TULP4: variants seen among roughly 807,000 people sequenced by gnomAD.
The protein encoded by TULP4 is TUB like protein 4, also known as tubby-related protein 4.
Under a neutral mutation model 129.0 loss-of-function variants are expected in TULP4, and 16 were observed. The ratio of observed to expected loss-of-function variants is 0.12; its 90% CI spans 0.08 to 0.19. TULP4 has a LOEUF of 0.19. Among genes scored for constraint, TULP4 ranks in the 10% least tolerant of loss-of-function variants. The pLI is 1.00. For synonymous variants in TULP4, 998 were observed against 854.0 expected, an observed-to-expected ratio of 1.17 and a Z score of -2.94; for missense variants, 1,842 against 2,059.1, an observed-to-expected ratio of 0.89 and a Z score of 2.04.
At chr6:158,312,386 G>T (rs563226661), upstream of TULP4, 26 of 346,782 alleles carry the variant, frequency 7.5e-5, no homozygotes, top group African/African-American at 4.0e-4. Context: ...AAAAATTTGC[G>T]CAGATTAAAC....
Position 158,357,604 on chromosome 6 carries a change from A to G in TULP4, c.252+43336A>G, listed in dbSNP as rs566765172. On this transcript the variant is annotated intron_variant, in intron 1 of 13. Coordinates refer to ENST00000367097, the MANE Select transcript of TULP4 (RefSeq NM_020245.5). Reference sequence around the variant, plus strand: ...GTTGTTTTTACTGGCTGGTGAAGCTATACCTTTGCTCTGATGTTATACCCA... The same window carrying G: ...GTTGTTTTTACTGGCTGGTGAAGCTGTACCTTTGCTCTGATGTTATACCCA... 2.0e-5 allele frequency among the ~76,000 whole-genome samples: 3 copies of G among 152,322 alleles called. No homozygotes were observed. The East Asian group carries it at 5.8e-4, about 29-fold the overall frequency.
chr6:158,345,411 A>G (rs1780278403), intron 1 of TULP4, among the ~76,000 whole-genome samples: 1 of 152,180 alleles, frequency 6.6e-6, no homozygotes, highest in Non-Finnish European at 1.5e-5. Flanking sequence ...ACCCACCCCC[A>G]ATATTTCAGT....
chr6:158,304,839 T>C (rs891590080), intron 1 of TULP4, among the ~76,000 whole-genome samples: 2 of 152,094 alleles, frequency 1.3e-5, no homozygotes, highest in South Asian at 4.2e-4. Flanking sequence ...GCTGATTTTT[T>C]TATTTTTTGT....
At chr6:158,349,941 G>T (rs1780462883) in intron 1 of TULP4, among the ~76,000 whole-genome samples, 1 of 140,764 alleles carries the variant, frequency 7.1e-6, no homozygotes, top group Non-Finnish European at 1.5e-5. Context: ...CCCAGACGGT[G>T]TGGCGGCCGG....
At chr6:158,233,673 G>T (rs980793816) in intron 1 of TULP4, among the ~76,000 whole-genome samples, 4 of 152,238 alleles carry the variant, frequency 2.6e-5, no homozygotes, top group Non-Finnish European at 4.4e-5. Flanking sequence ...GCGTTGTGCA[G>T]TGATAGCCAT....
chr6:158,237,115 T>C (rs1356044311), intron 1 of TULP4, among the ~76,000 whole-genome samples: 1 of 151,916 alleles, frequency 6.6e-6, no homozygotes, highest in African/African-American at 2.4e-5. Context: ...GGCCATATTT[T>C]CAGTCCTCAT....
chr6:158,241,570 C>T (rs1022765443), intron 1 of TULP4, among the ~76,000 whole-genome samples: 10 of 152,082 alleles, frequency 6.6e-5, no homozygotes, highest in African/African-American at 1.7e-4. Context: ...AGCGAAACCC[C>T]GTCTCCACCA....
upstream of TULP4, among the ~76,000 whole-genome samples, chr6:158,308,669 C>T (rs1438206888): frequency 1.0e-4 from 15 of 148,694 alleles, no homozygotes; most frequent in East Asian, 2.1e-4. Context: ...GGCGGCTGGC[C>T]GGGCAGAGGG....
chr6:158,378,067 G>A (rs1195812801), intron 1 of TULP4, among the ~76,000 whole-genome samples: 3 of 152,178 alleles, frequency 2.0e-5, no homozygotes, highest in East Asian at 1.9e-4. Context: ...TCTTTGTCCA[G>A]TAGGCTAGCC....
intron 1 of TULP4, chr6:158,237,979 GCTT>G (rs970317985): frequency 2.8e-6 from 2 of 725,912 alleles, no homozygotes; most frequent in African/African-American, 3.5e-5. Flanking sequence ...GAAGTTTGCA[GCTT>G]CTTTTATCAA....
chr6:158,398,910 G>T (rs1293240767), intron 1 of TULP4, among the ~76,000 whole-genome samples: 1 of 152,136 alleles, frequency 6.6e-6, no homozygotes, highest in East Asian at 1.9e-4. Context: ...CTGAGGTGCG[G>T]GTTATTTTTC....
chr6:158,329,395 G>A (rs537281794), intron 1 of TULP4, among the ~76,000 whole-genome samples: 1 of 149,640 alleles, frequency 6.7e-6, no homozygotes, highest in African/African-American at 2.5e-5. Context: ...GTATGTTTTA[G>A]CTCTGTTCTT....
chr6:158,336,655 A>G (rs1267564100), intron 1 of TULP4, among the ~76,000 whole-genome samples: 2 of 152,216 alleles, frequency 1.3e-5, no homozygotes, highest in African/African-American at 2.4e-5. Flanking sequence ...AATACTAATC[A>G]AGCACTTTGA....
At chr6:158,308,428 G>A (rs1339458501), upstream of TULP4, among the ~76,000 whole-genome samples, 8 of 152,064 alleles carry the variant, frequency 5.3e-5, no homozygotes, top group Non-Finnish European at 7.4e-5. Context: ...GCAACCATCC[G>A]ATTTCTCAAT....
chr6:158,443,045 G>A (rs1430454659), intron 3 of TULP4, among the ~76,000 whole-genome samples: 1 of 151,952 alleles, frequency 6.6e-6, no homozygotes, highest in Admixed American at 6.6e-5. Flanking sequence ...ATGCAGTGGC[G>A]CAATCTTGGC....
At chr6:158,390,852 C>G (rs1777567888) in intron 1 of TULP4, among the ~76,000 whole-genome samples, 1 of 152,122 alleles carries the variant, frequency 6.6e-6, no homozygotes, top group Admixed American at 6.6e-5. Flanking sequence ...GCCTGTAATC[C>G]CAACACTTTG....
At chr6:158,465,370 A>G (rs1779531501) in intron 6 of TULP4, among the ~76,000 whole-genome samples, 1 of 152,176 alleles carries the variant, frequency 6.6e-6, no homozygotes, top group Non-Finnish European at 1.5e-5. Flanking sequence ...ATTTTATTGT[A>G]TGGATATACC....
intron 6 of TULP4, among the ~76,000 whole-genome samples, chr6:158,476,486 G>C (rs1009943746): frequency 2.6e-5 from 4 of 152,106 alleles, no homozygotes; most frequent in African/African-American, 4.8e-5. Flanking sequence ...CTGCTTGGCT[G>C]AGAATTCCAA....
At chr6:158,504,313 G>T (rs906401304) in intron 13 of TULP4, 135 bp downstream of exon 13, 10 of 740,948 alleles carry the variant, frequency 1.3e-5, no homozygotes, top group Non-Finnish European at 2.2e-6. Flanking sequence ...GGAGCTCATG[G>T]GGTTATGGTT....
Sources: gnomAD v4.1 joint callset for allele counts (sites outside exome capture counted in the v4.1 genomes callset) on GRCh38, gnomAD v4.1.1 for gene constraint, MANE v1.5 for transcripts, NCBI Gene and HGNC (gene_info 2026-07-23, HGNC 2026-07-21) for gene names.